Variants in MYO5B observed in about 807,000 individuals in gnomAD.
MYO5B encodes unconventional myosin-Vb.
Under a neutral mutation model 229.3 loss-of-function variants are expected in MYO5B, and 143 were observed. The observed-to-expected ratio is 0.62, with a 90% CI of 0.54 to 0.72. The LOEUF (loss-of-function observed/expected upper bound fraction) is 0.72. Among genes scored for constraint, MYO5B ranks in the 30% least tolerant of loss-of-function variants. The pLI, the probability that MYO5B is intolerant of heterozygous loss-of-function variation, is 0.00. For synonymous variants in MYO5B, 918 were observed against 885.2 expected (o/e 1.04, Z -0.66); for missense variants, 2,321 against 2,331.0 (o/e 1.00, Z 0.09).
In MYO5B at chr18:49,947,347, C is replaced by T. The variant is rs376858238; in HGVS notation, c.1752+5913G>A. ...GTCTTGATCTCCTGACCTTGTGATC[C>T]GCCTGCCTTGGCCTCCCGAAGTGCT... is the stretch of plus-strand genomic sequence containing the variant. On this transcript the variant is annotated intron_variant, in intron 14 of 39. Coordinates refer to ENST00000285039, the MANE Select transcript of MYO5B (RefSeq NM_001080467.3). Among the ~76,000 whole-genome samples, 7 of 152,010 alleles carry T rather than the reference C, an allele frequency of 4.6e-5. No homozygotes were observed. The South Asian group carries it at 6.2e-4, about 14-fold the overall frequency.
At chr18:49,838,357 T>C (rs2024015771) in intron 36 of MYO5B, among the ~76,000 whole-genome samples, 2 of 152,316 alleles carry the variant, frequency 1.3e-5, no homozygotes, top group African/African-American at 2.4e-5. Context: ...TCTGTCTGAC[T>C]CCAGAACTGC....
chr18:49,953,453 G>C, intron 13 of MYO5B, 110 bp from the exon 14 acceptor site: 1 of 900,660 alleles, frequency 1.1e-6, no homozygotes. Context: ...TGAGTAGATA[G>C]GAAACCCACA....
intron 22 of MYO5B, among the ~76,000 whole-genome samples, chr18:49,883,151 A>ATTCAGCAT (rs1023151951): frequency 6.6e-6 from 1 of 152,260 alleles, no homozygotes; most frequent in African/African-American, 2.4e-5. Flanking sequence ...TGCCACTTCT[A>ATTCAGCAT]TTCAGCATTG....
chr18:49,916,043 G>A (rs922389878), intron 17 of MYO5B, among the ~76,000 whole-genome samples: 3 of 152,284 alleles, frequency 2.0e-5, no homozygotes, highest in Non-Finnish European at 2.9e-5. Flanking sequence ...GCTCAGGTGC[G>A]GGCTCCCCCT....
At chr18:50,079,235 G>A (rs2031157297) in intron 1 of MYO5B, among the ~76,000 whole-genome samples, 1 of 152,220 alleles carries the variant, frequency 6.6e-6, no homozygotes, top group Non-Finnish European at 1.5e-5. Flanking sequence ...TCAATAAAAA[G>A]TTCAAGAAAG....
intron 1 of MYO5B, among the ~76,000 whole-genome samples, chr18:50,114,645 G>A (rs749373307): frequency 2.0e-5 from 3 of 152,236 alleles, no homozygotes; most frequent in Middle Eastern, 3.2e-3. Context: ...CTCGACACAC[G>A]CTGCTCCAGA....
chr18:50,037,891 T>TAA (rs563240779), intron 3 of MYO5B, among the ~76,000 whole-genome samples: 23 of 148,754 alleles, frequency 1.5e-4, no homozygotes, highest in African/African-American at 4.9e-4. Flanking sequence ...GGCCCTGTCT[T>TAA]AAAAAAAAAA....
At chr18:50,173,840 C>T (rs2032954921) in intron 1 of MYO5B, among the ~76,000 whole-genome samples, 1 of 152,182 alleles carries the variant, frequency 6.6e-6, no homozygotes, top group African/African-American at 2.4e-5. Context: ...TCAGACTGAA[C>T]CATTTCACTT....
At chr18:50,083,151 A>G (rs1215176433) in intron 1 of MYO5B, among the ~76,000 whole-genome samples, 1 of 152,202 alleles carries the variant, frequency 6.6e-6, no homozygotes, top group Non-Finnish European at 1.5e-5. Context: ...GGAACAGCCA[A>G]ATAGAAGAGG....
chr18:50,046,771 C>T (rs1438264423), intron 2 of MYO5B, among the ~76,000 whole-genome samples: 3 of 152,152 alleles, frequency 2.0e-5, no homozygotes, highest in Non-Finnish European at 4.4e-5. Flanking sequence ...ACAGAGCCCT[C>T]AGAAATAACG....
chr18:49,970,443 A>T (rs1354488811), intron 10 of MYO5B, among the ~76,000 whole-genome samples: 2 of 152,216 alleles, frequency 1.3e-5, no homozygotes, highest in Non-Finnish European at 2.9e-5. Context: ...TCATGGTGGA[A>T]GCAGCTGTGG....
intron 24 of MYO5B, 146 bp downstream of exon 24, chr18:49,878,799 G>T: frequency 1.0e-6 from 1 of 975,464 alleles, no homozygotes. Context: ...AGCTACCTTT[G>T]CCTCTCTGCA....
chr18:50,040,183 C>T lies in MYO5B; in HGVS notation c.270G>A (p.Lys90=), dbSNP rs772586776. 2.9e-5 allele frequency: 46 copies of T among 1,612,140 alleles called. No homozygotes were observed. Among genetic ancestry groups the T allele is most frequent in the Non-Finnish European group, 3.6e-5 (42 of 1,179,334 alleles). ...TATGGTTGGACTCCAGGAAACGGAC[C>T]TTCAAATTATGCAAAACTGCAGGCT... ...LHEPAVLHNL[K]VRFLESNHIY... The change falls in exon 3 of 40, where the codon AAG becomes AAA. Residue 90 remains lysine (K), a synonymous_variant. Transcript: ENST00000285039.
chr18:50,132,653 T>C (rs1480989606), intron 1 of MYO5B, among the ~76,000 whole-genome samples: 1 of 152,198 alleles, frequency 6.6e-6, no homozygotes, highest in Non-Finnish European at 1.5e-5. Context: ...TTCCTGGGAA[T>C]AGGGTTGCCT....
chr18:50,014,999 T>G (rs1279673201), intron 4 of MYO5B, among the ~76,000 whole-genome samples: 1 of 152,082 alleles, frequency 6.6e-6, no homozygotes, highest in African/African-American at 2.4e-5. Context: ...CTGGGGGAAG[T>G]CTCCTGGAAT....
chr18:49,966,894 T>C lies in MYO5B; in HGVS notation c.1323-3864A>G, dbSNP rs898640269. On this transcript the variant is annotated intron_variant, in intron 10 of 39. Coordinates refer to ENST00000285039, the MANE Select transcript of MYO5B (RefSeq NM_001080467.3). Reference sequence around the variant, plus strand: ...AATGACAGACCTCAGAAAGCCACAGTTGGGGAGATTGGGTAACTTTTCCTT... The same window carrying C: ...AATGACAGACCTCAGAAAGCCACAGCTGGGGAGATTGGGTAACTTTTCCTT... Among the ~76,000 whole-genome samples the C allele has an allele frequency of 3.9e-5, 6 of 152,184 alleles. No homozygotes were observed. The South Asian group carries it at 1.0e-3, about 26-fold the overall frequency.
At chr18:50,071,443 T>C (rs186835514) in intron 1 of MYO5B, among the ~76,000 whole-genome samples, 2 of 152,332 alleles carry the variant, frequency 1.3e-5, no homozygotes, top group African/African-American at 2.4e-5. Context: ...AGATGCTGAA[T>C]GGACGGACGC....
chr18:50,024,474 G>T (rs544506587), intron 4 of MYO5B, among the ~76,000 whole-genome samples: 1 of 152,274 alleles, frequency 6.6e-6, no homozygotes, highest in Admixed American at 6.5e-5. Flanking sequence ...TGTAGAGAAG[G>T]TTTAATGCCC....
intron 35 of MYO5B, 134 bp downstream of exon 35, chr18:49,841,231 T>C (rs894972049): frequency 2.4e-6 from 2 of 823,678 alleles, no homozygotes; most frequent in Non-Finnish European, 4.2e-6. Context: ...CGAGGCATGA[T>C]AAGGTGTGCC....
Sources: allele counts gnomAD v4.1 joint callset (sites outside exome capture counted in the v4.1 genomes callset), GRCh38; gene constraint gnomAD v4.1.1; transcripts MANE v1.5; gene names NCBI Gene and HGNC (gene_info 2026-07-23, HGNC 2026-07-21).